CUL4B: variants seen among roughly 807,000 people sequenced by gnomAD.
CUL4B encodes cullin-4B.
A neutral mutation model predicts 69.2 loss-of-function variants in CUL4B; 1 was observed. The ratio of observed to expected loss-of-function variants is 0.01; its 90% CI spans 0.01 to 0.07. The LOEUF (loss-of-function observed/expected upper bound fraction) is 0.07. Among genes scored for constraint, CUL4B ranks in the 10% least tolerant of loss-of-function variants. The probability of loss-of-function intolerance (pLI) is 1.00; values close to 1 mark genes in which losing one functional copy is unlikely to be tolerated. For missense variants in CUL4B, 328 were observed against 638.8 expected, an observed-to-expected ratio of 0.51 and a Z score of 5.24; for synonymous variants, 237 against 223.2, an observed-to-expected ratio of 1.06 and a Z score of -0.55.
intron 2 of CUL4B, among the ~76,000 whole-genome samples, chrX:120,574,371 C>G (rs1020775538): frequency 9.1e-6 from 1 of 109,828 alleles, no homozygotes; most frequent in Non-Finnish European, 1.9e-5. Context: ...CAACCACGCC[C>G]GGCTAATTTT....
intron 3 of CUL4B, 47 bp downstream of exon 3, chrX:120,547,089 G>A (rs1250202883): frequency 1.4e-5 from 12 of 878,638 alleles, no homozygotes; most frequent in African/African-American, 2.0e-5. Context: ...GGTAGGGACA[G>A]AGAGGAAGAC....
rs182821660 is a variant in CUL4B, at chrX:120,540,311, G to C, written c.1636+59C>G. The stretch of plus-strand genomic sequence containing the variant: ...TACAACCTGGTAAAAATTTCAGATT[G>C]AGATTTTATGACTCAAAGAACATCA... On this transcript the variant is annotated intron_variant, in intron 11 of 19. Transcript: ENST00000371322. 3,252 of 1,080,652 alleles carry C rather than the reference G, an allele frequency of 3.0e-3. 8 individuals carry two copies. The highest frequency in any genetic ancestry group is 3.9e-3 in the Non-Finnish European group (3,063 of 780,354). The allele number at this position is 1,080,652 out of a possible 1,213,427, so 89.1% of individuals were successfully genotyped here.
Position 120,538,718 on chromosome X carries a change from T to C in CUL4B, c.1794A>G (p.Leu598=). ...CATCTACAGATGCACTCTTTCCGAC[T>C]AACAGGCGCTTGGCTAAATCTTTCT... ...FYKKDLAKRL[L]VGKSASVDAE... The change falls in exon 13 of 20, where the codon TTA becomes TTG. Residue 598 remains leucine, a synonymous_variant. Coordinates refer to ENST00000371322, the MANE Select transcript of CUL4B (RefSeq NM_001079872.2). 1 of 1,208,962 alleles carries C rather than the reference T, an allele frequency of 8.3e-7. No individual in the cohort carries two copies. Among genetic ancestry groups the C allele is most frequent in the Non-Finnish European group, 1.1e-6 (1 of 893,244 alleles).
chrX:120,573,267 T>C (rs1602597702), intron 2 of CUL4B, among the ~76,000 whole-genome samples: 2 of 111,276 alleles, frequency 1.8e-5, no homozygotes, highest in South Asian at 7.5e-4. Flanking sequence ...TAGAGATCTG[T>C]CCATGACAGT....
chrX:120,561,323 C>A, upstream of CUL4B: 1 of 559,358 alleles, frequency 1.8e-6, no homozygotes, highest in Non-Finnish European at 3.3e-6. Flanking sequence ...GGAACTCCCA[C>A]TCCCTCCTTA....
In CUL4B at chrX:120,544,158, G is replaced by C; in HGVS notation, c.1129C>G (p.Arg377Gly). 8.3e-7 allele frequency: 1 copy of C among 1,205,933 alleles called. No individual in the cohort carries two copies. The highest frequency in any genetic ancestry group is 1.1e-6 in the Non-Finnish European group (1 of 890,616). ...TTTTGGCCTTCAGCTGCATAGAGCC[G>C]GTTAGTTTCTTCCAAAAATCGTTGT... The part of the protein sequence containing the change: ...FEQRFLEETN[R>G]LYAAEGQKLM... Residue 377 changes from arginine (R) to glycine (G), a missense_variant, in exon 7 of 20, where the codon CGG becomes GGG. Physicochemically the swap from Arg to Gly is moderately radical, Grantham distance 125. This residue lies in a region of CUL4B where 126 missense variants were observed against 202.5 expected (regional missense o/e 0.62). Transcript: ENST00000371322.
chrX:120,536,164 CCT>C (rs1408922545), intron 15 of CUL4B, among the ~76,000 whole-genome samples: 1 of 112,911 alleles, frequency 8.9e-6, no homozygotes, highest in South Asian at 3.5e-4. Flanking sequence ...TTAATCATCC[CCT>C]CTTTTGAAAC....
At chrX:120,530,056 T>C (rs1419232559) in intron 19 of CUL4B, 46 bp downstream of exon 19, 2 of 1,154,993 alleles carry the variant, frequency 1.7e-6, no homozygotes, top group African/African-American at 3.6e-5. Flanking sequence ...TAATGTACTT[T>C]CTTTTATTTA....
intron 16 of CUL4B, among the ~76,000 whole-genome samples, chrX:120,535,187 C>T (rs1923582336): frequency 9.1e-6 from 1 of 110,305 alleles, no homozygotes; most frequent in Admixed American, 9.7e-5. Flanking sequence ...AGAGTGGGAC[C>T]CTATCTCTAA....
intron 1 of CUL4B, among the ~76,000 whole-genome samples, chrX:120,574,880 T>A (rs778308198): frequency 8.9e-6 from 1 of 112,558 alleles, no homozygotes; most frequent in Non-Finnish European, 1.9e-5. Context: ...ACACATTTGT[T>A]AAGATTCTCT....
intron 2 of CUL4B, among the ~76,000 whole-genome samples, chrX:120,554,721 G>T (rs187969288): frequency 6.3e-5 from 7 of 111,741 alleles, no homozygotes; most frequent in African/African-American, 2.3e-4. Flanking sequence ...AGAGAAAGAG[G>T]GTGGGACAGG....
intron 14 of CUL4B, 72 bp from the exon 15 acceptor site, chrX:120,537,106 G>A (rs934103873): frequency 9.2e-5 from 69 of 753,916 alleles, no homozygotes; most frequent in Non-Finnish European, 1.3e-4. Context: ...ACCTATTTAA[G>A]AAGTTCCCTG....
chrX:120,544,713 T>C (rs1924212220), intron 5 of CUL4B, 70 bp from the exon 6 acceptor site: 1 of 922,393 alleles, frequency 1.1e-6, no homozygotes, highest in Non-Finnish European at 1.6e-6. Flanking sequence ...GCTTAACTTC[T>C]TACCACATGT....
In CUL4B at chrX:120,547,125, A is replaced by G; in HGVS notation, c.776+11T>C. ...AAAACTATTCACGATTTTTTGTTTT[A>G]AAAAGGATATTCTCTGAATTGATGA... On this transcript the variant is annotated intron_variant, in intron 3 of 19. Transcript: ENST00000371322. 2 of 1,147,443 alleles carry G rather than the reference A, an allele frequency of 1.7e-6. No individual in the cohort carries two copies. Among genetic ancestry groups the G allele is most frequent in the Non-Finnish European group, 2.4e-6 (2 of 845,990 alleles). 94.6% of individuals were successfully genotyped at this position (1,147,443 alleles called of 1,213,427 possible). A position where few individuals can be genotyped will look rare whatever the true frequency, so the allele number is the denominator to read the frequency against.
chrX:120,553,200 T>C (rs1032880755), intron 2 of CUL4B, among the ~76,000 whole-genome samples: 1 of 111,729 alleles, frequency 9.0e-6, no homozygotes, highest in Non-Finnish European at 1.9e-5. Flanking sequence ...AAAAGAGAAA[T>C]ACATAATACA....
chrX:120,552,406 C>T (rs1924743264), intron 2 of CUL4B, among the ~76,000 whole-genome samples: 1 of 112,651 alleles, frequency 8.9e-6, no homozygotes, highest in South Asian at 3.6e-4. Context: ...CCTTGGCCTC[C>T]CAAAGTGTTG....
chrX:120,541,436 T>C (rs973803569), intron 10 of CUL4B, among the ~76,000 whole-genome samples, 166 bp downstream of exon 10: 3 of 110,177 alleles, frequency 2.7e-5, no homozygotes, highest in African/African-American at 3.3e-5. Context: ...GAGGCAGAGG[T>C]TGCAGCGAGC....
downstream of CUL4B, among the ~76,000 whole-genome samples, chrX:120,570,964 G>A (rs200063914): frequency 5.8e-4 from 62 of 107,116 alleles, no homozygotes; most frequent in East Asian, 0.015. Context: ...GGCTGAGGCA[G>A]GAGGATCGCT....
intron 1 of CUL4B, chrX:120,559,647 C>G (rs1925167176): frequency 3.2e-6 from 1 of 312,070 alleles, no homozygotes; most frequent in Non-Finnish European, 5.4e-6. Flanking sequence ...ATAAAAAGAT[C>G]ACTATTGCTA....
Sources: gnomAD v4.1 joint callset for allele counts (sites outside exome capture counted in the v4.1 genomes callset) on GRCh38, gnomAD v4.1.1 for gene constraint, gnomAD v4.1.1 regional missense constraint, MANE v1.5 for transcripts, NCBI Gene and HGNC (gene_info 2026-07-23, HGNC 2026-07-21) for gene names.